Variants in CELF4 observed in about 807,000 individuals in gnomAD.
CELF4 encodes CUGBP Elav-like family member 4.
CELF4 carries 18 observed loss-of-function variants against 59.9 expected under a neutral mutation model. The observed-to-expected ratio is 0.30, with a 90% CI of 0.21 to 0.45. The LOEUF is 0.45. Among genes scored for constraint, CELF4 ranks in the 20% least tolerant of loss-of-function variants. CELF4 has a pLI of 1.00. For synonymous variants in CELF4, 261 were observed against 267.1 expected (o/e 0.98, Z 0.22); for missense variants, 456 against 689.0 (o/e 0.66, Z 3.79).
chr18:37,322,197 C>T (rs1450408891), intron 2 of CELF4, among the ~76,000 whole-genome samples: 1 of 152,224 alleles, frequency 6.6e-6, no homozygotes, highest in African/African-American at 2.4e-5. Context: ...GAAATGCTGG[C>T]CTGTCCCTCT....
chr18:37,300,621 A>G (rs550605097), intron 3 of CELF4, among the ~76,000 whole-genome samples: 3 of 152,208 alleles, frequency 2.0e-5, no homozygotes, highest in African/African-American at 7.2e-5. Context: ...CACTGTGCAA[A>G]TTGCCAAGAT....
At chr18:37,373,770 C>T (rs911009224) in intron 2 of CELF4, among the ~76,000 whole-genome samples, 2 of 152,164 alleles carry the variant, frequency 1.3e-5, no homozygotes, top group Admixed American at 6.5e-5. Flanking sequence ...GGCAGGGCAT[C>T]ATGCCAGCAA....
At chr18:37,337,331 G>GC (rs1342643892) in intron 2 of CELF4, among the ~76,000 whole-genome samples, 1 of 152,170 alleles carries the variant, frequency 6.6e-6, no homozygotes, top group Non-Finnish European at 1.5e-5. Context: ...CATCTTCAGA[G>GC]CCACCTGAGG....
At chr18:37,471,020 C>T (rs1416407798) in intron 2 of CELF4, among the ~76,000 whole-genome samples, 2 of 152,020 alleles carry the variant, frequency 1.3e-5, no homozygotes, top group African/African-American at 2.4e-5. Flanking sequence ...TCCAGCACTG[C>T]GTAGCCTGCC....
At chr18:37,436,133 C>T (rs2099691160) in intron 2 of CELF4, among the ~76,000 whole-genome samples, 1 of 152,294 alleles carries the variant, frequency 6.6e-6, no homozygotes, top group African/African-American at 2.4e-5. Flanking sequence ...AAGCTCCGTT[C>T]CCAGGGAGCG....
At chr18:37,533,316 A>G (rs1442917805) in intron 1 of CELF4, among the ~76,000 whole-genome samples, 1 of 152,202 alleles carries the variant, frequency 6.6e-6, no homozygotes, top group Non-Finnish European at 1.5e-5. Context: ...CACAGAACCT[A>G]TTAGACTCTC....
intron 1 of CELF4, among the ~76,000 whole-genome samples, chr18:37,533,565 T>C (rs1416685362): frequency 6.6e-6 from 1 of 152,252 alleles, no homozygotes; most frequent in Non-Finnish European, 1.5e-5. Flanking sequence ...ACTATTCACA[T>C]GGCAGAAGGA....
At chr18:37,355,781 G>A (rs1446613020) in intron 2 of CELF4, among the ~76,000 whole-genome samples, 2 of 152,204 alleles carry the variant, frequency 1.3e-5, no homozygotes, top group African/African-American at 2.4e-5. Flanking sequence ...CCTGGAGGAG[G>A]TGGTTTCTGA....
intron 2 of CELF4, among the ~76,000 whole-genome samples, chr18:37,465,030 C>A (rs2099804152): frequency 1.3e-5 from 2 of 152,170 alleles, no homozygotes; most frequent in Admixed American, 1.3e-4. Context: ...TTAACCTCCA[C>A]AGGCCTTACT....
At chr18:37,274,986 G>A in intron 4 of CELF4, 102 bp from the exon 5 acceptor site, 1 of 1,537,506 alleles carries the variant, frequency 6.5e-7, no homozygotes, top group Non-Finnish European at 8.9e-7. Flanking sequence ...GTGAGGCAGA[G>A]ATTGAGAAAG....
At chr18:37,373,529 T>C (rs1216149807) in intron 2 of CELF4, among the ~76,000 whole-genome samples, 1 of 152,246 alleles carries the variant, frequency 6.6e-6, no homozygotes, top group African/African-American at 2.4e-5. Context: ...GCATCAGTGA[T>C]GACCAGCGGG....
intron 1 of CELF4, among the ~76,000 whole-genome samples, chr18:37,549,451 C>T (rs770240783): frequency 1.3e-5 from 2 of 152,196 alleles, no homozygotes; most frequent in Non-Finnish European, 2.9e-5. Context: ...TACGAATCTG[C>T]CTGCCTGGTC....
intron 2 of CELF4, among the ~76,000 whole-genome samples, chr18:37,361,412 G>A (rs1310198672): frequency 6.6e-6 from 1 of 152,206 alleles, no homozygotes; most frequent in Non-Finnish European, 1.5e-5. Context: ...CTGGGGTGGG[G>A]TTTGGCAGGC....
intron 3 of CELF4, among the ~76,000 whole-genome samples, chr18:37,293,693 T>G (rs1225718380): frequency 1.3e-5 from 2 of 152,140 alleles, no homozygotes; most frequent in African/African-American, 4.8e-5. Context: ...TGCAATGACT[T>G]CCAGGTGAGT....
chr18:37,273,518 C>T, intron 6 of CELF4: 2 of 1,018,510 alleles, frequency 2.0e-6, no homozygotes, highest in South Asian at 4.5e-5. Context: ...CTGGATGAGC[C>T]TCTGCAGAAC....
chr18:37,447,693 AC>A (rs2099752046), intron 2 of CELF4, among the ~76,000 whole-genome samples: 1 of 151,954 alleles, frequency 6.6e-6, no homozygotes. Flanking sequence ...GGGTGTCTGC[AC>A]CCTCTACCCA....
At chr18:37,514,445 C>G (rs2154604423) in intron 1 of CELF4, among the ~76,000 whole-genome samples, 1 of 152,310 alleles carries the variant, frequency 6.6e-6, no homozygotes, top group Middle Eastern at 3.4e-3. Flanking sequence ...ATGCATGGCT[C>G]TGTGCTGGAT....
At chr18:37,382,607 G>A (rs2099052980) in intron 2 of CELF4, among the ~76,000 whole-genome samples, 1 of 152,328 alleles carries the variant, frequency 6.6e-6, no homozygotes. Flanking sequence ...ACACATGCCT[G>A]AGTCATGCCT....
intron 2 of CELF4, among the ~76,000 whole-genome samples, chr18:37,412,503 T>G (rs925581120): frequency 6.6e-6 from 1 of 151,878 alleles, no homozygotes; most frequent in South Asian, 2.1e-4. Flanking sequence ...GATAGATGGA[T>G]GGATGGATGG....
Sources: gnomAD v4.1 joint callset for allele counts (sites outside exome capture counted in the v4.1 genomes callset) on GRCh38, gnomAD v4.1.1 for gene constraint, MANE v1.5 for transcripts, NCBI Gene and HGNC (gene_info 2026-07-23, HGNC 2026-07-21) for gene names.